Variants in COP1 observed in about 807,000 individuals in gnomAD.
The protein encoded by COP1 is E3 ubiquitin-protein ligase COP1.
In COP1, 24 loss-of-function variants were observed where a neutral mutation model predicts 101.3. The ratio of observed to expected loss-of-function variants is 0.24; its 90% CI spans 0.17 to 0.33. The LOEUF is 0.33. Among genes scored for constraint, COP1 ranks in the 10% least tolerant of loss-of-function variants. The pLI is 1.00. For missense variants in COP1, 663 were observed against 906.2 expected (o/e 0.73, Z 3.45); for synonymous variants, 347 against 341.9 (o/e 1.01, Z -0.17).
intron 1 of COP1, among the ~76,000 whole-genome samples, chr1:176,185,975 C>T (rs1466039933): frequency 6.6e-6 from 1 of 152,046 alleles, no homozygotes; most frequent in Non-Finnish European, 1.5e-5. Context: ...AGTCTAATGG[C>T]AGACTCAAAT....
intron 11 of COP1, among the ~76,000 whole-genome samples, chr1:176,057,315 CTCCCTCTCCCTCTCCCTCTCCCCACGGAT>C (rs1268986530): frequency 2.0e-5 from 3 of 151,114 alleles, no homozygotes; most frequent in Non-Finnish European, 4.4e-5. Flanking sequence ...AATGTGACCT[CTCCCTCTCCCTCTCCCTCTCCCCACGGAT>C]TCCCTCTCCC....
intron 15 of COP1, among the ~76,000 whole-genome samples, chr1:176,014,727 A>G (rs1665313002): frequency 6.6e-6 from 1 of 152,198 alleles, no homozygotes; most frequent in Admixed American, 6.6e-5. Flanking sequence ...AAATTAGGCA[A>G]AAACCAATGT....
intron 15 of COP1, among the ~76,000 whole-genome samples, chr1:175,999,567 A>C (rs1269012072): frequency 6.6e-6 from 1 of 152,076 alleles, no homozygotes; most frequent in Non-Finnish European, 1.5e-5. Context: ...TGCCGCAAAA[A>C]ACATGGGAAT....
chr1:176,033,575 T>C (rs1331747201), intron 14 of COP1, among the ~76,000 whole-genome samples: 1 of 152,186 alleles, frequency 6.6e-6, no homozygotes, highest in Admixed American at 6.5e-5. Context: ...GGTTATTTAT[T>C]GGAAACAATT....
At chr1:176,007,106 G>A (rs559385584) in intron 15 of COP1, among the ~76,000 whole-genome samples, 85 of 151,644 alleles carry the variant, frequency 5.6e-4, no homozygotes, top group Non-Finnish European at 1.0e-3. Flanking sequence ...ATCTTCCATC[G>A]CTGATACCCT....
At chr1:176,040,613 G>A (rs373324066) in intron 14 of COP1, among the ~76,000 whole-genome samples, 16 of 152,194 alleles carry the variant, frequency 1.1e-4, no homozygotes, top group African/African-American at 2.2e-4. Context: ...CCTGGCTGAC[G>A]AGTTCTTAAA....
At chr1:176,186,085 C>A (rs1265850577) in intron 1 of COP1, among the ~76,000 whole-genome samples, 5 of 151,796 alleles carry the variant, frequency 3.3e-5, no homozygotes, top group South Asian at 4.2e-4. Flanking sequence ...ACAAAGGGAC[C>A]CATAGTAAAG....
At chr1:176,172,409 C>G (rs1031853546) in intron 3 of COP1, among the ~76,000 whole-genome samples, 1 of 152,162 alleles carries the variant, frequency 6.6e-6, no homozygotes, top group Non-Finnish European at 1.5e-5. Flanking sequence ...TAAAAATATG[C>G]ACGGATCATC....
intron 9 of COP1, among the ~76,000 whole-genome samples, chr1:176,101,959 T>C (rs929795467): frequency 3.9e-5 from 6 of 152,120 alleles, no homozygotes; most frequent in South Asian, 2.1e-4. Context: ...GAGAAAATGA[T>C]AGAGACAGGA....
rs567421375 is a variant in COP1, at chr1:176,042,537, T to C, written c.1612+649A>G. Among the ~76,000 whole-genome samples, 65 of 126,564 alleles carry C rather than the reference T, an allele frequency of 5.1e-4. No individual in the cohort carries two copies. The Middle Eastern group carries it at 0.043, about 83-fold the overall frequency. The allele number at this position is 126,564 out of a possible 152,430, so 83.0% of individuals were successfully genotyped here. ...GAGATCACCCCACTGCACTCCAGCC[T>C]GGGCAGCAGAGCGAGAATCCGTCTC... On this transcript the variant is annotated intron_variant, in intron 14 of 19. Coordinates refer to ENST00000367669, the MANE Select transcript of COP1 (RefSeq NM_022457.7).
intron 15 of COP1, among the ~76,000 whole-genome samples, chr1:176,009,501 C>G (rs185990404): frequency 7.3e-4 from 111 of 152,222 alleles, no homozygotes; most frequent in African/African-American, 2.6e-3. Flanking sequence ...TCCTTGTGTA[C>G]TGTACAAAAG....
At position 175,946,312 on chromosome 1, in the gene COP1, T is replaced by C. The variant is rs1649164559; in HGVS notation, c.2178+883A>G. On this transcript the variant is annotated intron_variant, in intron 19 of 19. Coordinates refer to ENST00000367669, the MANE Select transcript of COP1 (RefSeq NM_022457.7). ...ACCATGTAAATTAGTGCAGTTCTTC[T>C]GCGTTAAGTTTGCTCATTTCACCTC... Among the ~76,000 whole-genome samples the C allele has an allele frequency of 2.6e-5, 4 of 152,240 alleles. No homozygotes were observed. The South Asian group carries it at 8.3e-4, about 31-fold the overall frequency.
chr1:176,046,665 CA>C (rs1671577971), intron 11 of COP1, among the ~76,000 whole-genome samples: 1 of 151,908 alleles, frequency 6.6e-6, no homozygotes, highest in Non-Finnish European at 1.5e-5. Flanking sequence ...AAAAGTATGC[CA>C]AAAGACAATT....
intron 14 of COP1, among the ~76,000 whole-genome samples, chr1:176,032,413 G>C (rs1407067591): frequency 6.6e-6 from 1 of 152,200 alleles, no homozygotes; most frequent in African/African-American, 2.4e-5. Flanking sequence ...TTAGTAGCTA[G>C]ACGTTGTCAT....
At chr1:176,035,857 G>A (rs1669445758) in intron 14 of COP1, among the ~76,000 whole-genome samples, 1 of 151,852 alleles carries the variant, frequency 6.6e-6, no homozygotes, top group South Asian at 2.1e-4. Flanking sequence ...TATCAAGGTA[G>A]TTCATATTCT....
intron 2 of COP1, 29 bp downstream of exon 2, chr1:176,184,604 G>A: frequency 6.5e-7 from 1 of 1,534,306 alleles, no homozygotes; most frequent in African/African-American, 1.4e-5. Flanking sequence ...AATGTTAAAA[G>A]ATTATTTTAC....
intron 16 of COP1, chr1:175,989,144 T>A (rs543221388): frequency 5.4e-6 from 2 of 369,500 alleles, no homozygotes. Context: ...AACTAGTATC[T>A]TCAGGATTTT....
intron 18 of COP1, among the ~76,000 whole-genome samples, chr1:175,952,246 A>AC (rs1195534163): frequency 6.6e-6 from 1 of 151,998 alleles, no homozygotes; most frequent in African/African-American, 2.4e-5. Context: ...ACATGGTGAA[A>AC]CCCCATCTCT....
Position 176,007,825 on chromosome 1 carries a change from G to C in COP1, c.1730-18346C>G, listed in dbSNP as rs549223281. On this transcript the variant is annotated intron_variant, in intron 15 of 19. Transcript: ENST00000367669. Reference sequence around the variant, plus strand: ...TGTGTGTGCCCTGTCCCCAGAGGTGGAGCCTACAGAGGCAGGCAGGCCTCC... The same window carrying C: ...TGTGTGTGCCCTGTCCCCAGAGGTGCAGCCTACAGAGGCAGGCAGGCCTCC... Among the ~76,000 whole-genome samples the C allele has an allele frequency of 2.0e-4, 30 of 152,332 alleles. No individual in the cohort carries two copies. In the East Asian group the frequency reaches 5.0e-3, roughly 25 times the overall value.
Sources: allele counts gnomAD v4.1 joint callset (sites outside exome capture counted in the v4.1 genomes callset), GRCh38; gene constraint gnomAD v4.1.1; transcripts MANE v1.5; gene names NCBI Gene and HGNC (gene_info 2026-07-23, HGNC 2026-07-21).